SNX29: variants seen among roughly 807,000 people sequenced by gnomAD.
The protein encoded by SNX29 is sorting nexin-29.
SNX29 carries 78 observed loss-of-function variants against 102.1 expected under a neutral mutation model. That is an observed-to-expected ratio of 0.76 (90% CI 0.64 to 0.92). The LOEUF is 0.92. Ranked by LOEUF, SNX29 falls within the 40% of genes least tolerant of loss-of-function variation. The pLI is 0.00. For missense variants in SNX29, 1,280 were observed against 1,061.7 expected, an observed-to-expected ratio of 1.21 and a Z score of -2.86; for synonymous variants, 580 against 414.5, an observed-to-expected ratio of 1.40 and a Z score of -4.85.
chr16:12,192,774 C>G (rs1209694859), intron 13 of SNX29, among the ~76,000 whole-genome samples: 1 of 152,206 alleles, frequency 6.6e-6, no homozygotes, highest in Non-Finnish European at 1.5e-5. Flanking sequence ...ACGATCTCGG[C>G]TCACTGCAAC....
chr16:12,462,633 A>C (rs1214494661), intron 18 of SNX29, among the ~76,000 whole-genome samples: 1 of 152,128 alleles, frequency 6.6e-6, no homozygotes, highest in Non-Finnish European at 1.5e-5. Flanking sequence ...CATACTTATC[A>C]ATATATCATA....
chr16:12,332,898 C>G (rs1419163878), intron 15 of SNX29, among the ~76,000 whole-genome samples: 1 of 152,080 alleles, frequency 6.6e-6, no homozygotes, highest in Non-Finnish European at 1.5e-5. Flanking sequence ...CCTCCAAGCT[C>G]ACTTCTCTCC....
intron 14 of SNX29, among the ~76,000 whole-genome samples, chr16:12,259,622 G>A (rs1486150968): frequency 6.6e-6 from 1 of 152,144 alleles, no homozygotes; most frequent in East Asian, 1.9e-4. Flanking sequence ...CTATTTTCTA[G>A]TTTTTCTTAC....
rs989298656 is a variant in SNX29 at position 12,171,256 on chromosome 16, C to T, written c.1596-28345C>T. Among the ~76,000 whole-genome samples the T allele has an allele frequency of 3.9e-5, 6 of 152,110 alleles. No individual in the cohort carries two copies. In the East Asian group the frequency reaches 9.6e-4, roughly 24 times the overall value. ...ACTATCTTCACGTGATGACTAAGAG[C>T]GCCAAATGGAACCCAGGTCTGGGGT... On this transcript the variant is annotated intron_variant, in intron 13 of 20. Transcript: ENST00000566228.
At chr16:12,219,127 T>C (rs2077406836) in intron 14 of SNX29, among the ~76,000 whole-genome samples, 1 of 152,180 alleles carries the variant, frequency 6.6e-6, no homozygotes, top group African/African-American at 2.4e-5. Flanking sequence ...TGTCTCCTTA[T>C]ATCCTGGGGC....
chr16:12,451,223 C>T (rs560957522), intron 18 of SNX29, among the ~76,000 whole-genome samples: 1 of 152,340 alleles, frequency 6.6e-6, no homozygotes, highest in East Asian at 1.9e-4. Context: ...CTAAAGTACA[C>T]ATTAGGTTCA....
intron 18 of SNX29, among the ~76,000 whole-genome samples, chr16:12,445,524 T>C (rs1439469993): frequency 6.6e-6 from 1 of 152,212 alleles, no homozygotes; most frequent in African/African-American, 2.4e-5. Flanking sequence ...AGGTGCTCAA[T>C]ACCTATGAAG....
intron 1 of SNX29, among the ~76,000 whole-genome samples, chr16:11,987,825 C>T (rs1297093806): frequency 6.6e-6 from 1 of 152,132 alleles, no homozygotes; most frequent in Non-Finnish European, 1.5e-5. Context: ...TCTCATTTCC[C>T]CTGTTCCTTT....
intron 15 of SNX29, among the ~76,000 whole-genome samples, chr16:12,345,634 A>G (rs1210670028): frequency 6.6e-6 from 1 of 152,190 alleles, no homozygotes; most frequent in African/African-American, 2.4e-5. Context: ...TGATCTGTGG[A>G]GGAGGTGGAT....
intron 18 of SNX29, among the ~76,000 whole-genome samples, chr16:12,456,588 G>T (rs2086550158): frequency 6.6e-6 from 1 of 152,054 alleles, no homozygotes; most frequent in Non-Finnish European, 1.5e-5. Flanking sequence ...GTACTTGGTA[G>T]TGTGTGCACC....
chr16:12,553,371 C>T (rs557644814), intron 20 of SNX29, among the ~76,000 whole-genome samples: 2 of 152,344 alleles, frequency 1.3e-5, no homozygotes, highest in Admixed American at 6.5e-5. Flanking sequence ...GCTTGCCAGA[C>T]ATGCTCTCAA....
Position 12,310,750 on chromosome 16 carries a change from A to G in SNX29, c.1782+32714A>G, listed in dbSNP as rs565697681. 5.1e-4 allele frequency among the ~76,000 whole-genome samples: 77 copies of G among 152,284 alleles called. 1 individual carries two copies. The highest frequency in any genetic ancestry group is 9.1e-4 in the Non-Finnish European group (62 of 68,024). On this transcript the variant is annotated intron_variant, in intron 15 of 20. Coordinates refer to ENST00000566228, the MANE Select transcript of SNX29 (RefSeq NM_032167.5). ...CATATGTCAAAACTTGTCAGAAGGTATTCTTTAAATATGTGCACTCTGCTG... is the reference window on the plus strand; with the variant it reads ...CATATGTCAAAACTTGTCAGAAGGTGTTCTTTAAATATGTGCACTCTGCTG...
intron 20 of SNX29, among the ~76,000 whole-genome samples, chr16:12,530,092 C>T (rs1040838697): frequency 4.6e-5 from 7 of 152,212 alleles, no homozygotes; most frequent in African/African-American, 1.7e-4. Context: ...CTTGCTTTTC[C>T]CCTTGGCCTG....
intron 20 of SNX29, among the ~76,000 whole-genome samples, chr16:12,556,928 C>G (rs529143072): frequency 2.1e-5 from 2 of 95,240 alleles, no homozygotes; most frequent in East Asian, 2.4e-4. Context: ...TCTCGGCTCA[C>G]TACAGCCTCT....
chr16:12,310,128 G>GCACACA (rs1361054106), intron 15 of SNX29, among the ~76,000 whole-genome samples: 1 of 151,968 alleles, frequency 6.6e-6, no homozygotes, highest in African/African-American at 2.4e-5. Context: ...ACGCACACAT[G>GCACACA]CATGCACATA....
intron 14 of SNX29, among the ~76,000 whole-genome samples, chr16:12,254,077 T>C (rs1343656467): frequency 6.6e-6 from 1 of 152,124 alleles, no homozygotes; most frequent in Non-Finnish European, 1.5e-5. Flanking sequence ...GGGAGGCTGC[T>C]AACCAGGATG....
intron 11 of SNX29, among the ~76,000 whole-genome samples, chr16:12,083,892 A>G (rs1332847316): frequency 6.6e-6 from 1 of 152,196 alleles, no homozygotes; most frequent in African/African-American, 2.4e-5. Flanking sequence ...TCTGTACTGT[A>G]ATTGAGCTAG....
intron 13 of SNX29, among the ~76,000 whole-genome samples, chr16:12,179,960 G>A (rs997702074): frequency 9.9e-5 from 15 of 152,110 alleles, no homozygotes; most frequent in Non-Finnish European, 2.9e-5. Flanking sequence ...TAGTCATTCC[G>A]TCAGTATTTT....
At chr16:12,042,323 C>T (rs1330245035) in intron 4 of SNX29, among the ~76,000 whole-genome samples, 1 of 152,170 alleles carries the variant, frequency 6.6e-6, no homozygotes, top group Non-Finnish European at 1.5e-5. Context: ...GCCACCGTTC[C>T]CAGCTTCAAT....
Sources: allele counts gnomAD v4.1 joint callset (sites outside exome capture counted in the v4.1 genomes callset), GRCh38; gene constraint gnomAD v4.1.1; transcripts MANE v1.5; gene names NCBI Gene and HGNC (gene_info 2026-07-23, HGNC 2026-07-21).